Variants in SEPTIN7 observed in about 807,000 individuals in gnomAD.
SEPTIN7 encodes septin 7.
SEPTIN7 carries 10 observed loss-of-function variants against 63.3 expected under a neutral mutation model. The observed-to-expected ratio is 0.16, with a 90% CI of 0.10 to 0.27. The LOEUF (loss-of-function observed/expected upper bound fraction) is 0.27, where lower values mean the gene tolerates loss of function less well. Among genes scored for constraint, SEPTIN7 ranks in the 10% least tolerant of loss-of-function variants. The pLI, the probability that SEPTIN7 is intolerant of heterozygous loss-of-function variation, is 1.00. For missense variants in SEPTIN7, 310 were observed against 521.0 expected, an observed-to-expected ratio of 0.59 and a Z score of 3.94; for synonymous variants, 131 against 165.3, an observed-to-expected ratio of 0.79 and a Z score of 1.59.
At chr7:35,890,974 C>G (rs373919474) in intron 11 of SEPTIN7, among the ~76,000 whole-genome samples, 181 bp downstream of exon 11, 4 of 152,054 alleles carry the variant, frequency 2.6e-5, no homozygotes, top group African/African-American at 9.7e-5. Flanking sequence ...TTGAATGAAC[C>G]ATTTTGATAG....
intron 1 of SEPTIN7, among the ~76,000 whole-genome samples, chr7:35,801,783 C>G (rs1251711155): frequency 6.8e-6 from 1 of 147,584 alleles, no homozygotes; most frequent in African/African-American, 2.5e-5. Context: ...CCAACCCGGG[C>G]GGGCGGCGGC....
At chr7:35,814,792 G>A (rs577013697) in intron 1 of SEPTIN7, among the ~76,000 whole-genome samples, 10 of 151,928 alleles carry the variant, frequency 6.6e-5, no homozygotes, top group African/African-American at 4.8e-5. Flanking sequence ...TGGCTAACAC[G>A]GTGAAACCCC....
At chr7:35,896,195 A>G (rs1001672753) in intron 11 of SEPTIN7, among the ~76,000 whole-genome samples, 1 of 152,184 alleles carries the variant, frequency 6.6e-6, no homozygotes, top group African/African-American at 2.4e-5. Context: ...TTAGGTGGCA[A>G]AAATACTTGC....
In SEPTIN7 at chr7:35,905,324, A is replaced by G. The variant is rs1788558173; in HGVS notation, c.*1031A>G. 2 of 152,658 alleles carry G rather than the reference A, an allele frequency of 1.3e-5. No individual in the cohort carries two copies. Among genetic ancestry groups the G allele is most frequent in the South Asian group, 4.1e-4 (2 of 4,836 alleles). 9.5% of individuals were successfully genotyped at this position (152,658 alleles called of 1,614,324 possible). ...GTGATGTAATATTGTGTGAGGTCTTAAATATCCTACAGTCGATGTACAAGA... is the reference window on the plus strand; with the variant it reads ...GTGATGTAATATTGTGTGAGGTCTTGAATATCCTACAGTCGATGTACAAGA... On this transcript the variant is annotated 3_prime_UTR_variant, in exon 14 of 14. Coordinates refer to ENST00000350320, the MANE Select transcript of SEPTIN7 (RefSeq NM_001788.6).
intron 10 of SEPTIN7, among the ~76,000 whole-genome samples, chr7:35,889,376 C>G (rs1787494770): frequency 6.6e-6 from 1 of 152,034 alleles, no homozygotes. Context: ...AGACTTAGGA[C>G]TAAGGGGAGT....
intron 1 of SEPTIN7, among the ~76,000 whole-genome samples, chr7:35,802,990 A>G (rs917967484): frequency 6.6e-6 from 1 of 152,202 alleles, no homozygotes; most frequent in African/African-American, 2.4e-5. Flanking sequence ...ACATGATGGA[A>G]CCAGGTCTTC....
chr7:35,821,993 A>C (rs1789441701), intron 1 of SEPTIN7, among the ~76,000 whole-genome samples: 1 of 152,066 alleles, frequency 6.6e-6, no homozygotes, highest in African/African-American at 2.4e-5. Context: ...CTGGTCTCGA[A>C]CTCCTGACCG....
Position 35,904,419 on chromosome 7 carries a change from A to G in SEPTIN7, c.*126A>G, listed in dbSNP as rs1226529233. 1.5e-6 allele frequency: 1 copy of G among 665,434 alleles called. No homozygotes were observed. The highest frequency in any genetic ancestry group is 2.3e-6 in the Non-Finnish European group (1 of 428,976). The allele number at this position is 665,434 out of a possible 1,614,324, so 41.2% of individuals were successfully genotyped here. On this transcript the variant is annotated 3_prime_UTR_variant, in exon 14 of 14. Coordinates refer to ENST00000350320, the MANE Select transcript of SEPTIN7 (RefSeq NM_001788.6). ...ATAATGATGGATTTAACAGCATGAC[A>G]AAAATTATTTTTTTTTTTGTTCTTG...
At chr7:35,819,391 C>T (rs1789274118) in intron 1 of SEPTIN7, among the ~76,000 whole-genome samples, 1 of 152,122 alleles carries the variant, frequency 6.6e-6, no homozygotes, top group African/African-American at 2.4e-5. Context: ...GAGAATATTC[C>T]ATGTGCACTT....
chr7:35,851,998 T>G (rs570528654), intron 3 of SEPTIN7, among the ~76,000 whole-genome samples: 167 of 152,346 alleles, frequency 1.1e-3, no homozygotes, highest in African/African-American at 3.8e-3. Flanking sequence ...TTTCAAATGT[T>G]TATTCCCTTC....
chr7:35,885,462 A>AT (rs1032583541), intron 9 of SEPTIN7, among the ~76,000 whole-genome samples: 1 of 151,982 alleles, frequency 6.6e-6, no homozygotes, highest in African/African-American at 2.4e-5. Flanking sequence ...TTACCTTAAG[A>AT]TTTTTTCTAA....
chr7:35,824,374 T>A (rs1488794944), intron 1 of SEPTIN7, among the ~76,000 whole-genome samples: 2 of 152,208 alleles, frequency 1.3e-5, no homozygotes, highest in African/African-American at 4.8e-5. Context: ...TAGGTGATTA[T>A]GATGGGATGT....
the SEPTIN7 span, among the ~76,000 whole-genome samples, chr7:35,914,638 CCTCT>C: frequency 0.28 from 41,808 of 148,270 alleles, 6,243 homozygotes; most frequent in East Asian, 0.46. Flanking sequence ...TCTTTCTGTC[CCTCT>C]CTCTCTCTCT....
intron 5 of SEPTIN7, 135 bp from the exon 6 acceptor site, chr7:35,873,506 T>C: frequency 2.7e-6 from 2 of 744,072 alleles, no homozygotes; most frequent in Non-Finnish European, 4.2e-6. Flanking sequence ...TTTTTGAATA[T>C]ATAGAATAAC....
chr7:35,833,871 A>G (rs1055440613), intron 3 of SEPTIN7, among the ~76,000 whole-genome samples: 1 of 152,028 alleles, frequency 6.6e-6, no homozygotes, highest in Non-Finnish European at 1.5e-5. Flanking sequence ...TATTTTATCT[A>G]CTGACTGCAA....
chr7:35,880,223 C>CTTTTTTTTTTTTTTTTTTTTTCTTTTA, intron 7 of SEPTIN7, among the ~76,000 whole-genome samples: 1 of 72,776 alleles, frequency 1.4e-5, no homozygotes, highest in African/African-American at 6.0e-5. Flanking sequence ...TTTTTCTTTT[C>CTTTTTTTTTTTTTTTTTTTTTCTTTTA]TTTTTTTTTT....
At chr7:35,879,085 T>C (rs1786665782) in intron 6 of SEPTIN7, among the ~76,000 whole-genome samples, 1 of 152,164 alleles carries the variant, frequency 6.6e-6, no homozygotes, top group African/African-American at 2.4e-5. Context: ...AGAGAATAAG[T>C]AATGGTAAGC....
chr7:35,835,227 A>G (rs942037228), intron 3 of SEPTIN7, among the ~76,000 whole-genome samples: 2 of 152,162 alleles, frequency 1.3e-5, no homozygotes, highest in Non-Finnish European at 2.9e-5. Flanking sequence ...TCAGTTGGAG[A>G]TTATTATTGC....
downstream of SEPTIN7, among the ~76,000 whole-genome samples, chr7:35,908,473 G>T (rs190541436): frequency 2.0e-5 from 3 of 152,274 alleles, no homozygotes; most frequent in Non-Finnish European, 1.5e-5. Context: ...AAAAAGGGTA[G>T]CCTGAAACCC....
Sources: allele counts gnomAD v4.1 joint callset (sites outside exome capture counted in the v4.1 genomes callset), GRCh38; gene constraint gnomAD v4.1.1; transcripts MANE v1.5; gene names NCBI Gene and HGNC (gene_info 2026-07-23, HGNC 2026-07-21).